NOVA1: variants seen among roughly 807,000 people sequenced by gnomAD.
NOVA1 encodes NOVA alternative splicing regulator 1, also known as RNA-binding protein Nova-1.
In NOVA1, 7 loss-of-function variants were observed where a neutral mutation model predicts 38.0. The observed-to-expected ratio is 0.18, with a 90% confidence interval of 0.10 to 0.35. The LOEUF is 0.35. NOVA1 is among the 10% of genes least tolerant of loss of function. The pLI, the probability that NOVA1 is intolerant of heterozygous loss-of-function variation, is 1.00. For synonymous variants in NOVA1, 270 were observed against 232.5 expected, an observed-to-expected ratio of 1.16 and a Z score of -1.47; for missense variants, 460 against 616.0, an observed-to-expected ratio of 0.75 and a Z score of 2.68.
At chr14:26,580,083 CAA>C (rs994996309) in intron 2 of NOVA1, among the ~76,000 whole-genome samples, 1 of 138,730 alleles carries the variant, frequency 7.2e-6, no homozygotes. Context: ...TTACTAACAG[CAA>C]AAAAAAAAGC....
chr14:26,548,879 G>A (rs1216207016), intron 2 of NOVA1, among the ~76,000 whole-genome samples: 2 of 152,046 alleles, frequency 1.3e-5, no homozygotes, highest in African/African-American at 4.8e-5. Context: ...GACCAAGGCA[G>A]GAGGATCGCT....
intron 2 of NOVA1, among the ~76,000 whole-genome samples, chr14:26,575,742 C>T (rs1046642122): frequency 6.6e-6 from 1 of 151,694 alleles, no homozygotes; most frequent in African/African-American, 2.4e-5. Context: ...TGATAAAATG[C>T]ATGATTAGAA....
chr14:26,587,784 T>C (rs548749410), intron 2 of NOVA1, among the ~76,000 whole-genome samples: 3 of 149,654 alleles, frequency 2.0e-5, no homozygotes, highest in Non-Finnish European at 4.5e-5. Flanking sequence ...CAAAAACATG[T>C]TTTTTTTTAA....
At chr14:26,551,680 T>C (rs953332155) in intron 2 of NOVA1, among the ~76,000 whole-genome samples, 2 of 152,068 alleles carry the variant, frequency 1.3e-5, no homozygotes, top group African/African-American at 4.8e-5. Flanking sequence ...ATTTCATTTA[T>C]CAGTCTTTTA....
At chr14:26,509,460 G>A (rs1467095875) in intron 2 of NOVA1, among the ~76,000 whole-genome samples, 1 of 152,068 alleles carries the variant, frequency 6.6e-6, no homozygotes, top group Non-Finnish European at 1.5e-5. Flanking sequence ...GCAATGAAAA[G>A]GAAGATTAAA....
At chr14:26,554,356 A>C (rs745445799) in intron 2 of NOVA1, among the ~76,000 whole-genome samples, 7 of 151,992 alleles carry the variant, frequency 4.6e-5, no homozygotes, top group African/African-American at 9.7e-5. Context: ...TATGAGAAAA[A>C]AAAACAAAAC....
At chr14:26,478,827 A>G (rs976139567) in intron 3 of NOVA1, among the ~76,000 whole-genome samples, 1 of 151,958 alleles carries the variant, frequency 6.6e-6, no homozygotes, top group Non-Finnish European at 1.5e-5. Context: ...TGTATAGAAT[A>G]ACAACTACCT....
At chr14:26,537,541 T>C (rs1248083044) in intron 2 of NOVA1, among the ~76,000 whole-genome samples, 1 of 151,960 alleles carries the variant, frequency 6.6e-6, no homozygotes, top group African/African-American at 2.4e-5. Flanking sequence ...TGAGAGACAA[T>C]TGGCAAAAAG....
chr14:26,543,703 A>T (rs1032260639), intron 2 of NOVA1, among the ~76,000 whole-genome samples: 12 of 152,044 alleles, frequency 7.9e-5, no homozygotes, highest in Non-Finnish European at 1.5e-4. Flanking sequence ...CAAGCTTCCC[A>T]TTATGGCCTC....
At chr14:26,457,570 T>C (rs1178568888) in intron 4 of NOVA1, among the ~76,000 whole-genome samples, 1 of 152,122 alleles carries the variant, frequency 6.6e-6, no homozygotes, top group East Asian at 1.9e-4. Flanking sequence ...ACTGCTCTGC[T>C]AGTTGTACAC....
At chr14:26,528,108 G>A (rs1401224565) in intron 2 of NOVA1, among the ~76,000 whole-genome samples, 2 of 152,078 alleles carry the variant, frequency 1.3e-5, no homozygotes, top group Non-Finnish European at 2.9e-5. Flanking sequence ...GCCCAGACTT[G>A]CTATAAAAGA....
chr14:26,551,253 C>A (rs1891142229), intron 2 of NOVA1, among the ~76,000 whole-genome samples: 1 of 151,972 alleles, frequency 6.6e-6, no homozygotes, highest in Admixed American at 6.6e-5. Context: ...GCAGCTGTTT[C>A]TTCTCATGTA....
At chr14:26,518,505 T>C (rs1940248107) in intron 2 of NOVA1, among the ~76,000 whole-genome samples, 1 of 152,072 alleles carries the variant, frequency 6.6e-6, no homozygotes, top group African/African-American at 2.4e-5. Context: ...CTAAATCTTA[T>C]TTTTAAGTTT....
chr14:26,572,669 A>G (rs1293053989), intron 2 of NOVA1, among the ~76,000 whole-genome samples: 1 of 151,664 alleles, frequency 6.6e-6, no homozygotes, highest in Non-Finnish European at 1.5e-5. Flanking sequence ...GGTGATCAGC[A>G]AAGACTTCCT....
At chr14:26,467,066 C>T (rs1402414342) in intron 4 of NOVA1, among the ~76,000 whole-genome samples, 2 of 152,252 alleles carry the variant, frequency 1.3e-5, no homozygotes, top group South Asian at 2.1e-4. Flanking sequence ...CAGATGTCAG[C>T]ATATAAAAGC....
Position 26,538,905 on chromosome 14 carries a change from C to A in NOVA1, c.280+56505G>T, listed in dbSNP as rs552252362. Among the ~76,000 whole-genome samples the A allele has an allele frequency of 2.0e-5, 3 of 152,256 alleles. No individual in the cohort carries two copies. In the East Asian group the frequency reaches 5.8e-4, roughly 29 times the overall value. On this transcript the variant is annotated intron_variant, in intron 2 of 4. Coordinates refer to ENST00000539517, the MANE Select transcript of NOVA1 (RefSeq NM_002515.3). ...TAGCCAACCCACACAGCATTTCTTT[C>A]TTTTCTCTGAGCATGCTAAGCTCAT...
chr14:26,546,877 G>A (rs1176571917), intron 2 of NOVA1, among the ~76,000 whole-genome samples: 2 of 152,054 alleles, frequency 1.3e-5, no homozygotes, highest in East Asian at 1.9e-4. Context: ...AAATTAGCTG[G>A]GTGTGGTGGC....
chr14:26,553,249 A>G (rs1248055418), intron 2 of NOVA1, among the ~76,000 whole-genome samples: 1 of 152,208 alleles, frequency 6.6e-6, no homozygotes, highest in African/African-American at 2.4e-5. Context: ...AGTATTTTAT[A>G]TTTGGAAGAC....
In NOVA1 at chr14:26,548,419, A is replaced by G. The variant is rs900120015; in HGVS notation, c.280+46991T>C. Among the ~76,000 whole-genome samples the G allele has an allele frequency of 4.6e-5, 7 of 152,116 alleles. 1 individual carries two copies. Among genetic ancestry groups the G allele is most frequent in the African/African-American group, 1.4e-4 (6 of 41,450 alleles). Reference sequence around the variant, plus strand: ...TAATTTAACTTATGACACATAATTTAAAGTTACCTAAACCAAATGACACCA... The same window carrying G: ...TAATTTAACTTATGACACATAATTTGAAGTTACCTAAACCAAATGACACCA... On this transcript the variant is annotated intron_variant, in intron 2 of 4. Transcript: ENST00000539517.
Sources: gnomAD v4.1 joint callset for allele counts (sites outside exome capture counted in the v4.1 genomes callset) on GRCh38, gnomAD v4.1.1 for gene constraint, MANE v1.5 for transcripts, NCBI Gene and HGNC (gene_info 2026-07-23, HGNC 2026-07-21) for gene names.